PCDH15: variants seen among roughly 807,000 people sequenced by gnomAD.
PCDH15 encodes the protein protocadherin-15.
A neutral mutation model predicts 178.5 loss-of-function variants in PCDH15; 129 were observed. The observed-to-expected ratio is 0.72, with a 90% CI of 0.63 to 0.84. The LOEUF is 0.84. Ranked by LOEUF, PCDH15 falls within the 40% of genes least tolerant of loss-of-function variation. The pLI is 0.00. For missense variants in PCDH15, 2,230 were observed against 2,099.9 expected, an observed-to-expected ratio of 1.06 and a Z score of -1.21; for synonymous variants, 800 against 732.0, an observed-to-expected ratio of 1.09 and a Z score of -1.50.
intron 3 of PCDH15, among the ~76,000 whole-genome samples, chr10:54,860,937 C>T (rs1330621620): frequency 6.6e-6 from 1 of 152,114 alleles, no homozygotes; most frequent in African/African-American, 2.4e-5. Context: ...TTATTAAGCA[C>T]AATAGGGAAT....
chr10:54,534,455 A>G (rs997369177), intron 2 of PCDH15, among the ~76,000 whole-genome samples: 7 of 152,162 alleles, frequency 4.6e-5, no homozygotes, highest in Admixed American at 3.9e-4. Context: ...AAAAAAAGTA[A>G]TGGGGTTCTC....
At chr10:55,555,596 C>T (rs183362871) in intron 2 of PCDH15, among the ~76,000 whole-genome samples, 2 of 152,168 alleles carry the variant, frequency 1.3e-5, no homozygotes, top group African/African-American at 4.8e-5. Context: ...GTGAAGACCA[C>T]TTATTTTACA....
intron 2 of PCDH15, among the ~76,000 whole-genome samples, chr10:55,002,036 A>G (rs1197105681): frequency 1.3e-5 from 2 of 152,238 alleles, no homozygotes; most frequent in South Asian, 2.1e-4. Context: ...AATATGTACA[A>G]GTGTCACACT....
chr10:54,369,661 C>A (rs1185557476), intron 4 of PCDH15, among the ~76,000 whole-genome samples: 1 of 151,906 alleles, frequency 6.6e-6, no homozygotes, highest in Admixed American at 6.6e-5. Flanking sequence ...GATTGTTTAA[C>A]TTTTATGTTT....
chr10:55,582,628 A>ATATATATTTTTTTTT (rs780312007), intron 2 of PCDH15, among the ~76,000 whole-genome samples: 1 of 69,030 alleles, frequency 1.4e-5, no homozygotes, highest in Non-Finnish European at 2.5e-5. Context: ...ATATATATAT[A>ATATATATTTTTTTTT]TTTTTTTTTT....
chr10:55,350,288 TACATACACACACAA>T (rs1391937574), intron 2 of PCDH15, among the ~76,000 whole-genome samples: 2 of 121,886 alleles, frequency 1.6e-5, no homozygotes, highest in Non-Finnish European at 3.6e-5. Flanking sequence ...CACACACACA[TACATACACACACAA>T]ACATACATAC....
At chr10:53,963,367 C>T (rs1392971614) in intron 21 of PCDH15, among the ~76,000 whole-genome samples, 2 of 152,022 alleles carry the variant, frequency 1.3e-5, no homozygotes, top group South Asian at 2.1e-4. Flanking sequence ...TTTCTCCTTC[C>T]CATCTGGTGC....
intron 8 of PCDH15, among the ~76,000 whole-genome samples, chr10:54,266,145 A>AC (rs1469466021): frequency 1.7e-5 from 2 of 121,066 alleles, no homozygotes; most frequent in African/African-American, 7.4e-5. Flanking sequence ...ACGCAGACAC[A>AC]AACACACACA....
intron 1 of PCDH15, among the ~76,000 whole-genome samples, chr10:55,187,374 C>T (rs1188381329): frequency 1.3e-5 from 2 of 151,872 alleles, no homozygotes; most frequent in Non-Finnish European, 2.9e-5. Flanking sequence ...ATACATGAGA[C>T]AGAGCTCTCT....
intron 1 of PCDH15, among the ~76,000 whole-genome samples, chr10:54,769,037 C>G (rs1948808126): frequency 6.6e-6 from 1 of 152,070 alleles, no homozygotes; most frequent in Non-Finnish European, 1.5e-5. Flanking sequence ...ATGATGCACC[C>G]AACATTTCTC....
chr10:54,841,998 T>C (rs1256630608), intron 3 of PCDH15, among the ~76,000 whole-genome samples: 5 of 151,884 alleles, frequency 3.3e-5, no homozygotes, highest in Non-Finnish European at 2.9e-5. Context: ...TATGCTATTT[T>C]CCAGGGGGAA....
chr10:54,960,629 A>G (rs1310489910), intron 2 of PCDH15, among the ~76,000 whole-genome samples: 5 of 152,236 alleles, frequency 3.3e-5, no homozygotes, highest in African/African-American at 1.2e-4. Context: ...AAATTAATCA[A>G]TTTTAAAATG....
chr10:55,524,055 A>C (rs1287233971), intron 2 of PCDH15, among the ~76,000 whole-genome samples: 1 of 136,368 alleles, frequency 7.3e-6, no homozygotes, highest in Non-Finnish European at 1.7e-5. Flanking sequence ...GTACATGTAA[A>C]AACCTTTTTT....
chr10:55,147,322 T>A (rs1305994595), intron 2 of PCDH15, among the ~76,000 whole-genome samples: 1 of 151,318 alleles, frequency 6.6e-6, no homozygotes, highest in African/African-American at 2.4e-5. Flanking sequence ...TAGAAAAAAA[T>A]TCTTCACATA....
chr10:54,064,295 G>C (rs1489695291), intron 18 of PCDH15, among the ~76,000 whole-genome samples: 1 of 152,208 alleles, frequency 6.6e-6, no homozygotes, highest in African/African-American at 2.4e-5. Context: ...TGTGAGGCTG[G>C]CTGGCTCCAG....
chr10:55,269,961 A>G (rs1011989191), intron 1 of PCDH15, among the ~76,000 whole-genome samples: 5 of 152,054 alleles, frequency 3.3e-5, no homozygotes, highest in Non-Finnish European at 5.9e-5. Flanking sequence ...AGAATAAAAA[A>G]CTTGGAAATA....
chr10:53,949,782 T>C (rs1455017240), intron 23 of PCDH15, among the ~76,000 whole-genome samples: 1 of 152,182 alleles, frequency 6.6e-6, no homozygotes, highest in African/African-American at 2.4e-5. Context: ...TTAATTCTCT[T>C]TAATAATGAA....
chr10:55,519,303 C>A lies in PCDH15; in HGVS notation c.-156+108322G>T, dbSNP rs200280576. 5.2e-4 allele frequency among the ~76,000 whole-genome samples: 73 copies of A among 139,324 alleles called. No homozygotes were observed. The East Asian group carries it at 0.013, about 25-fold the overall frequency. 91.4% of individuals were successfully genotyped at this position (139,324 alleles called of 152,430 possible). A position where few individuals can be genotyped will look rare whatever the true frequency, so the allele number is the denominator to read the frequency against. ...CTGAGTGTAAAAAAAAAAAAAAACC[C>A]AATAGATTATATACTGTAAAATTCT... On this transcript the variant is annotated intron_variant, in intron 2 of 5. Coordinates refer to the PCDH15 transcript ENST00000613346.
intron 2 of PCDH15, among the ~76,000 whole-genome samples, chr10:55,015,884 C>T (rs1840162597): frequency 6.6e-6 from 1 of 151,884 alleles, no homozygotes; most frequent in Admixed American, 6.6e-5. Flanking sequence ...TTTCAGAACC[C>T]ACAGGAGATC....
Sources: gnomAD v4.1 joint callset for allele counts (sites outside exome capture counted in the v4.1 genomes callset) on GRCh38, gnomAD v4.1.1 for gene constraint, MANE v1.5 for transcripts, NCBI Gene and HGNC (gene_info 2026-07-23, HGNC 2026-07-21) for gene names.